The following ARL8B variants were observed in gnomAD, a reference collection of about 807,000 sequenced individuals.
The protein encoded by ARL8B is ADP-ribosylation factor-like protein 8B.
A neutral mutation model predicts 30.6 loss-of-function variants in ARL8B; 9 were observed. The ratio of observed to expected loss-of-function variants is 0.29; its 90% CI spans 0.18 to 0.51. The LOEUF is 0.51. ARL8B is among the 20% of genes least tolerant of loss of function. The pLI, the probability that ARL8B is intolerant of heterozygous loss-of-function variation, is 0.97. For missense variants in ARL8B, 130 were observed against 227.2 expected, an observed-to-expected ratio of 0.57 and a Z score of 2.75; for synonymous variants, 74 against 76.0, an observed-to-expected ratio of 0.97 and a Z score of 0.14.
rs185872861 is a variant in ARL8B, at chr3:5,141,159, A to G, written c.123+18571A>G. On this transcript the variant is annotated intron_variant, in intron 1 of 6. Transcript: ENST00000256496. ...TTTTAGGGGCTGACCCCTCCTCTAC[A>G]TTCTGTTCACTTATCATGACCTTCT... 2.0e-4 allele frequency among the ~76,000 whole-genome samples: 31 copies of G among 152,218 alleles called. No individual in the cohort carries two copies. In the East Asian group the frequency reaches 6.0e-3, roughly 29 times the overall value.
chr3:5,136,619 A>G (rs531419970), intron 1 of ARL8B, among the ~76,000 whole-genome samples: 108 of 152,292 alleles, frequency 7.1e-4, no homozygotes, highest in Non-Finnish European at 1.3e-3. Flanking sequence ...TTTCCTAGGA[A>G]CACTTACAAA....
intron 1 of ARL8B, among the ~76,000 whole-genome samples, chr3:5,168,965 A>G (rs961071753): frequency 2.0e-5 from 3 of 152,254 alleles, no homozygotes; most frequent in African/African-American, 4.8e-5. Flanking sequence ...AATTACAATG[A>G]AAATATTTAA....
intron 1 of ARL8B, among the ~76,000 whole-genome samples, chr3:5,155,929 G>T (rs1467012457): frequency 6.6e-6 from 1 of 151,284 alleles, no homozygotes; most frequent in African/African-American, 2.4e-5. Context: ...TTGAGACAGG[G>T]TCTTGCTCTG....
intron 6 of ARL8B, among the ~76,000 whole-genome samples, chr3:5,177,187 C>A (rs1404577172): frequency 6.6e-6 from 1 of 152,074 alleles, no homozygotes; most frequent in African/African-American, 2.4e-5. Context: ...GGACTTCTTT[C>A]GCTATTTGAG....
At chr3:5,125,816 A>G (rs1202651223) in intron 1 of ARL8B, among the ~76,000 whole-genome samples, 1 of 152,188 alleles carries the variant, frequency 6.6e-6, no homozygotes, top group Non-Finnish European at 1.5e-5. Flanking sequence ...TACAGGCGTG[A>G]GCCACTGTGC....
Position 5,178,654 on chromosome 3 carries a change from C to T in ARL8B, c.512-10C>T. 2 of 1,600,160 alleles carry T rather than the reference C, an allele frequency of 1.2e-6. No individual in the cohort carries two copies. The highest frequency in any genetic ancestry group is 1.1e-5 in the South Asian group (1 of 88,472). On this transcript the variant is annotated splice_polypyrimidine_tract_variant and intron_variant, in intron 6 of 6. Coordinates refer to ENST00000256496, the MANE Select transcript of ARL8B (RefSeq NM_018184.3). ...ACTTTAATGTCTTCACTTTTCCCCT[C>T]TATCTTTAGATATCACACTTCAGTG...
intron 6 of ARL8B, among the ~76,000 whole-genome samples, chr3:5,177,151 T>A (rs1013360449): frequency 1.2e-4 from 19 of 152,186 alleles, no homozygotes; most frequent in African/African-American, 4.6e-4. Flanking sequence ...CTTGGGCTCA[T>A]ATATGGAAGT....
At chr3:5,172,349 C>G (rs62255884) in intron 3 of ARL8B, 126 bp downstream of exon 3, 33,045 of 817,416 alleles carry the variant, frequency 0.04, 809 homozygotes, top group Non-Finnish European at 0.05. Context: ...TAGCTAATAT[C>G]CTAGTGTAAT....
intron 1 of ARL8B, among the ~76,000 whole-genome samples, chr3:5,164,545 T>TTTG (rs1299460858): frequency 1.3e-5 from 2 of 152,252 alleles, no homozygotes; most frequent in Non-Finnish European, 2.9e-5. Flanking sequence ...CTGATGTGTA[T>TTTG]TTGTATCACC....
At chr3:5,126,745 C>T (rs9681659) in intron 1 of ARL8B, among the ~76,000 whole-genome samples, 1 of 152,058 alleles carries the variant, frequency 6.6e-6, no homozygotes. Context: ...AAAAGAAACA[C>T]CCTAGTCTTG....
At chr3:5,177,744 G>A (rs151220577) in intron 6 of ARL8B, among the ~76,000 whole-genome samples, 20 of 152,268 alleles carry the variant, frequency 1.3e-4, no homozygotes, top group African/African-American at 3.9e-4. Context: ...GTGAGCCACC[G>A]TGCCCGGCCA....
At chr3:5,171,307 A>G (rs925008848) in intron 2 of ARL8B, among the ~76,000 whole-genome samples, 38 of 152,324 alleles carry the variant, frequency 2.5e-4, no homozygotes, top group African/African-American at 9.1e-4. Context: ...ACACAATAAT[A>G]AAATGATTAT....
intron 6 of ARL8B, among the ~76,000 whole-genome samples, chr3:5,176,095 G>A (rs1173901329): frequency 6.6e-6 from 1 of 152,084 alleles, no homozygotes; most frequent in African/African-American, 2.4e-5. Flanking sequence ...ATAAATGAAT[G>A]TATTGGAACA....
Position 5,149,381 on chromosome 3 carries a change from G to A in ARL8B, c.124-21122G>A, listed in dbSNP as rs1331694934. Among the ~76,000 whole-genome samples the A allele has an allele frequency of 2.0e-5, 3 of 152,238 alleles. No individual in the cohort carries two copies. The East Asian group carries it at 5.8e-4, about 29-fold the overall frequency. On this transcript the variant is annotated intron_variant, in intron 1 of 6. Transcript: ENST00000256496. ...GAGTTCCACTCCATGCAGGCACAGA[G>A]ATCCTGGTTGGGCCCCCAGGTTTGT...
chr3:5,133,175 T>C (rs2054297725), intron 1 of ARL8B, among the ~76,000 whole-genome samples: 1 of 151,820 alleles, frequency 6.6e-6, no homozygotes, highest in Non-Finnish European at 1.5e-5. Context: ...TTTGTTGGTT[T>C]AGGCATAACC....
intron 1 of ARL8B, among the ~76,000 whole-genome samples, chr3:5,136,700 T>G (rs1179276647): frequency 6.6e-6 from 1 of 152,214 alleles, no homozygotes; most frequent in African/African-American, 2.4e-5. Flanking sequence ...GCAGAATGGC[T>G]GTGGGCAGAA....
chr3:5,169,746 C>T (rs1336889631), intron 1 of ARL8B, among the ~76,000 whole-genome samples: 1 of 152,122 alleles, frequency 6.6e-6, no homozygotes, highest in Non-Finnish European at 1.5e-5. Flanking sequence ...TAGATTTTCA[C>T]ATATAATCAC....
rs576319012 is a variant in ARL8B at position 5,161,667 on chromosome 3, A to G, written c.124-8836A>G. On this transcript the variant is annotated intron_variant, in intron 1 of 6. Transcript: ENST00000256496. ...AGTAAGAGGGTTTAGAGTTCTCTGT[A>G]TCTAATATAATCAAAAGTGACATAG... Among the ~76,000 whole-genome samples, 8 of 152,346 alleles carry G rather than the reference A, an allele frequency of 5.3e-5. No homozygotes were observed. In the South Asian group the frequency reaches 1.2e-3, roughly 24 times the overall value.
At chr3:5,144,985 A>G in intron 1 of ARL8B, among the ~76,000 whole-genome samples, 1 of 152,200 alleles carries the variant, frequency 6.6e-6, no homozygotes. Flanking sequence ...CCTGGTTAAA[A>G]GCATATAATT....
Sources: allele counts gnomAD v4.1 joint callset (sites outside exome capture counted in the v4.1 genomes callset), GRCh38; gene constraint gnomAD v4.1.1; transcripts MANE v1.5; gene names NCBI Gene and HGNC (gene_info 2026-07-23, HGNC 2026-07-21).